The following MAN1C1 variants were observed in gnomAD, a reference collection of about 807,000 sequenced individuals.
MAN1C1 encodes the protein mannosyl-oligosaccharide 1,2-alpha-mannosidase IC.
In MAN1C1, 49 loss-of-function variants were observed where a neutral mutation model predicts 71.5. The ratio of observed to expected loss-of-function variants is 0.69; its 90% confidence interval spans 0.54 to 0.87. MAN1C1 has a LOEUF of 0.87. Ranked by LOEUF, MAN1C1 falls within the 40% of genes least tolerant of loss-of-function variation. MAN1C1 has a pLI of 0.00. For synonymous variants in MAN1C1, 352 were observed against 343.7 expected, an observed-to-expected ratio of 1.02 and a Z score of -0.27; for missense variants, 743 against 835.0, an observed-to-expected ratio of 0.89 and a Z score of 1.36.
intron 2 of MAN1C1, among the ~76,000 whole-genome samples, chr1:25,692,674 A>G (rs191017306): frequency 2.0e-5 from 3 of 152,314 alleles, no homozygotes; most frequent in African/African-American, 7.2e-5. Flanking sequence ...GCCATAAACT[A>G]CCATGCTGCC....
rs1259104315 is a variant in MAN1C1 at position 25,753,534 on chromosome 1, C to T, written c.885C>T (p.Phe295=). ...TGGGAGAGAAGCTCCTGCCGGCGTT[C>T]AACACCCCCACGGGAATCCCAAAGG... ...IRLGEKLLPA[F]NTPTGIPKGV... Residue 295 remains phenylalanine, a synonymous_variant, in exon 5 of 12, where the codon TTC becomes TTT. Transcript: ENST00000374332. The surrounding 1 kb of genome is among the most constrained non-coding windows in gnomAD (Gnocchi z 4.9). The T allele has an allele frequency of 1.2e-6, 2 of 1,613,914 alleles. No individual in the cohort carries two copies. Among genetic ancestry groups the T allele is most frequent in the Admixed American group, 3.3e-5 (2 of 60,008 alleles).
intron 1 of MAN1C1, among the ~76,000 whole-genome samples, chr1:25,658,164 G>T (rs1324484688): frequency 6.6e-6 from 1 of 152,254 alleles, no homozygotes; most frequent in African/African-American, 2.4e-5. Context: ...CTCAGTGACT[G>T]CTGCAGAGGG....
intron 2 of MAN1C1, among the ~76,000 whole-genome samples, chr1:25,719,510 G>A (rs1016541634): frequency 2.7e-5 from 4 of 150,712 alleles, no homozygotes; most frequent in African/African-American, 4.9e-5. Context: ...CTGCAGCCTC[G>A]AACTCCTGGT....
At chr1:25,656,093 G>GTTTTTTTTTTTTTTTTTTTTTTTT (rs1557751359) in intron 1 of MAN1C1, among the ~76,000 whole-genome samples, 1 of 79,896 alleles carries the variant, frequency 1.3e-5, no homozygotes. Context: ...GGGATTATCA[G>GTTTTTTTTTTTTTTTTTTTTTTTT]TCTTTTTTTT....
Position 25,617,031 on chromosome 1 carries a change from G to T in MAN1C1, c.-767G>T, listed in dbSNP as rs2045108097. Among the ~76,000 whole-genome samples the T allele has an allele frequency of 6.6e-6, 1 of 151,820 alleles. No homozygotes were observed. The highest frequency in any genetic ancestry group is 1.5e-5 in the Non-Finnish European group (1 of 67,874). On this transcript the variant is annotated 5_prime_UTR_variant, in exon 1 of 12. Transcript: ENST00000374332. This position sits in a 1 kb window ranked among gnomAD's most constrained non-coding sequence, Gnocchi z 5.1. The stretch of plus-strand genomic sequence containing the variant: ...CCGAGTTCGAGGGGCGGGAGCCCGC[G>T]CTCCCGGGCGCATCTGCAGCCGCCC...
At chr1:25,636,140 C>T (rs2045456933) in intron 1 of MAN1C1, among the ~76,000 whole-genome samples, 1 of 152,184 alleles carries the variant, frequency 6.6e-6, no homozygotes, top group Non-Finnish European at 1.5e-5. Context: ...TCTGAGGAAA[C>T]AGGACAAGGG....
chr1:25,751,584 G>A (rs1572194818), intron 4 of MAN1C1, among the ~76,000 whole-genome samples: 1 of 152,370 alleles, frequency 6.6e-6, no homozygotes, highest in East Asian at 1.9e-4. Context: ...AGGCAGGCAG[G>A]CTCCTGTGTC....
chr1:25,645,762 C>A (rs1039619046), intron 1 of MAN1C1: 6 of 152,244 alleles, frequency 3.9e-5, no homozygotes, highest in African/African-American at 1.4e-4. Context: ...CTGGCTCCAG[C>A]CATCCTTCCA....
rs147974189 is a variant in MAN1C1, at chr1:25,753,115, C to T, written c.835-369C>T. ...GGACTTGGAGGTGCCCCCCACCCCC[C>T]GCACCTCACTGCTTTCTCCCTCATC... On this transcript the variant is annotated intron_variant, in intron 4 of 11. Transcript: ENST00000374332. The surrounding 1 kb of genome is among the most constrained non-coding windows in gnomAD (Gnocchi z 4.9). Among the ~76,000 whole-genome samples, 7 of 152,274 alleles carry T rather than the reference C, an allele frequency of 4.6e-5. No homozygotes were observed. In the East Asian group the frequency reaches 9.6e-4, roughly 21 times the overall value.
At chr1:25,645,338 C>G (rs2045598308) in intron 1 of MAN1C1, 1 of 152,266 alleles carries the variant, frequency 6.6e-6, no homozygotes, top group Admixed American at 6.5e-5. Flanking sequence ...GAGGACTGTC[C>G]TGTGCCTCTT....
At chr1:25,698,410 T>C (rs905628798) in intron 2 of MAN1C1, among the ~76,000 whole-genome samples, 4 of 152,270 alleles carry the variant, frequency 2.6e-5, no homozygotes, top group Non-Finnish European at 4.4e-5. Flanking sequence ...TCTTACAGGA[T>C]TGGTGTTGGG....
At chr1:25,754,449 A>G (rs2047258194) in intron 5 of MAN1C1, among the ~76,000 whole-genome samples, 1 of 152,008 alleles carries the variant, frequency 6.6e-6, no homozygotes, top group East Asian at 1.9e-4. Context: ...AGGGCTTGGC[A>G]TGTTCAGCAT....
chr1:25,709,168 A>G (rs542239591), intron 2 of MAN1C1, among the ~76,000 whole-genome samples: 2 of 152,270 alleles, frequency 1.3e-5, no homozygotes, highest in Non-Finnish European at 2.9e-5. Context: ...TTGAGAAGTG[A>G]AAGGCGGTAT....
intron 1 of MAN1C1, among the ~76,000 whole-genome samples, chr1:25,682,853 CA>C (rs1161666641): frequency 6.6e-6 from 1 of 152,012 alleles, no homozygotes; most frequent in Non-Finnish European, 1.5e-5. Context: ...ACCTGGCCAA[CA>C]TGGTGAAACC....
At chr1:25,737,814 A>T (rs2047003551) in intron 2 of MAN1C1, among the ~76,000 whole-genome samples, 1 of 152,234 alleles carries the variant, frequency 6.6e-6, no homozygotes. Context: ...GTGTTTACCG[A>T]GCCATCTCTG....
intron 2 of MAN1C1, among the ~76,000 whole-genome samples, chr1:25,741,898 G>T (rs1285792780): frequency 6.6e-6 from 1 of 152,196 alleles, no homozygotes; most frequent in African/African-American, 2.4e-5. Context: ...TTGGGTTGGG[G>T]GGTTCTGACC....
chr1:25,672,366 C>G (rs1368629335), intron 1 of MAN1C1, among the ~76,000 whole-genome samples: 1 of 152,226 alleles, frequency 6.6e-6, no homozygotes, highest in Non-Finnish European at 1.5e-5. Context: ...TGCAGACATA[C>G]CCTTTCCAGT....
At chr1:25,673,430 GC>G (rs2046021862) in intron 1 of MAN1C1, among the ~76,000 whole-genome samples, 1 of 152,148 alleles carries the variant, frequency 6.6e-6, no homozygotes, top group Non-Finnish European at 1.5e-5. Flanking sequence ...TGATACTTGG[GC>G]AAGTACCTCA....
At chr1:25,768,964 C>A (rs987742342) in intron 7 of MAN1C1, among the ~76,000 whole-genome samples, 5 of 120,630 alleles carry the variant, frequency 4.1e-5, no homozygotes, top group South Asian at 2.9e-4. Context: ...CTACACACAC[C>A]CCCACACTAC....
Sources: allele counts gnomAD v4.1 joint callset (sites outside exome capture counted in the v4.1 genomes callset), GRCh38; gene constraint gnomAD v4.1.1; non-coding constraint Gnocchi (gnomAD v3.1); transcripts MANE v1.5; gene names NCBI Gene and HGNC (gene_info 2026-07-23, HGNC 2026-07-21).